Variants in TRPC4 observed in about 807,000 individuals in gnomAD.
TRPC4 encodes the protein short transient receptor potential channel 4.
In TRPC4, 49 loss-of-function variants were observed where a neutral mutation model predicts 99.4. That is an observed-to-expected ratio of 0.49 (90% CI 0.39 to 0.63). The LOEUF is 0.63. Among genes scored for constraint, TRPC4 ranks in the 20% least tolerant of loss-of-function variants. The probability of loss-of-function intolerance (pLI) is 0.00; values close to 1 mark genes in which losing one functional copy is unlikely to be tolerated. For synonymous variants in TRPC4, 454 were observed against 425.9 expected, an observed-to-expected ratio of 1.07 and a Z score of -0.81; for missense variants, 898 against 1,152.9, an observed-to-expected ratio of 0.78 and a Z score of 3.20.
At chr13:37,645,438 C>T (rs1951839029) in intron 8 of TRPC4, among the ~76,000 whole-genome samples, 1 of 152,176 alleles carries the variant, frequency 6.6e-6, no homozygotes, top group Non-Finnish European at 1.5e-5. Context: ...GAATGTCACG[C>T]TCATTTCATG....
chr13:37,787,669 C>G (rs543945343), intron 1 of TRPC4, among the ~76,000 whole-genome samples: 27 of 152,076 alleles, frequency 1.8e-4, no homozygotes, highest in Non-Finnish European at 3.5e-4. Context: ...TGTCAAAGTG[C>G]AATGAACTAC....
chr13:37,708,855 TA>T (rs1237637013), intron 3 of TRPC4, among the ~76,000 whole-genome samples: 1 of 151,938 alleles, frequency 6.6e-6, no homozygotes, highest in African/African-American at 2.4e-5. Flanking sequence ...TCCGTATACA[TA>T]AACAACATCT....
chr13:37,797,594 T>A (rs1957292242), intron 1 of TRPC4, among the ~76,000 whole-genome samples: 1 of 152,184 alleles, frequency 6.6e-6, no homozygotes, highest in Non-Finnish European at 1.5e-5. Flanking sequence ...TTCCTCAGTC[T>A]TCTCATGTCC....
intron 1 of TRPC4, among the ~76,000 whole-genome samples, chr13:37,792,420 A>G (rs1423494655): frequency 6.6e-6 from 1 of 152,182 alleles, no homozygotes; most frequent in Non-Finnish European, 1.5e-5. Context: ...TATACGATGT[A>G]AAAACAAGAA....
At chr13:37,702,152 G>A (rs1406800888) in intron 3 of TRPC4, among the ~76,000 whole-genome samples, 1 of 152,066 alleles carries the variant, frequency 6.6e-6, no homozygotes, top group South Asian at 2.1e-4. Context: ...CATTCTCCCT[G>A]TATGCCTCAT....
At chr13:37,788,816 C>G (rs1957035564) in intron 1 of TRPC4, among the ~76,000 whole-genome samples, 1 of 152,136 alleles carries the variant, frequency 6.6e-6, no homozygotes, top group Non-Finnish European at 1.5e-5. Flanking sequence ...CCCTTAAGAT[C>G]TGGACTTCTG....
intron 3 of TRPC4, among the ~76,000 whole-genome samples, chr13:37,705,591 C>A (rs1364584045): frequency 1.3e-5 from 2 of 151,890 alleles, no homozygotes; most frequent in Non-Finnish European, 2.9e-5. Context: ...AAGAAATGAA[C>A]CTCTTTTACA....
chr13:37,785,358 T>C (rs1339378747), intron 1 of TRPC4, among the ~76,000 whole-genome samples: 3 of 152,092 alleles, frequency 2.0e-5, no homozygotes, highest in African/African-American at 7.2e-5. Context: ...CTTCACAGTG[T>C]AATTTTATCA....
At chr13:37,753,575 AAGAGAG>A (rs61394712) in intron 2 of TRPC4, among the ~76,000 whole-genome samples, 5,324 of 137,272 alleles carry the variant, frequency 0.039, 252 homozygotes, top group African/African-American at 0.12. Flanking sequence ...GAGAGAGAGA[AAGAGAG>A]AGAGAGAGAG....
intron 3 of TRPC4, among the ~76,000 whole-genome samples, chr13:37,720,135 G>A (rs755711323): frequency 6.6e-6 from 1 of 151,986 alleles, no homozygotes; most frequent in African/African-American, 2.4e-5. Flanking sequence ...CTTCCAGAAG[G>A]AATGCAACCA....
At chr13:37,859,173 A>ACTGATTTATTTATTCATTTTGTATATTT (rs1959201976) in intron 1 of TRPC4, among the ~76,000 whole-genome samples, 1 of 151,626 alleles carries the variant, frequency 6.6e-6, no homozygotes, top group Non-Finnish European at 1.5e-5. Context: ...AGAGCTGTAA[A>ACTGATTTATTTATTCATTTTGTATATTT]TAAAATATAC....
chr13:37,784,450 T>G (rs762418340), intron 1 of TRPC4, among the ~76,000 whole-genome samples: 4 of 152,098 alleles, frequency 2.6e-5, no homozygotes, highest in Non-Finnish European at 5.9e-5. Context: ...GTGATAGAGA[T>G]TCATAGAAAA....
At position 37,746,419 on chromosome 13, in the gene TRPC4, A is replaced by G; in HGVS notation, c.415T>C (p.Phe139Leu). 6.2e-7 allele frequency: 1 copy of G among 1,612,636 alleles called. No individual in the cohort carries two copies. The highest frequency in any genetic ancestry group is 8.5e-7 in the Non-Finnish European group (1 of 1,179,520). ...PILLDKQFSE[F>L]TPDITPIILA... ...ATGATTGGTGTAATGTCTGGAGTGA[A>G]TTCAGAGAACTGCTTATCAAGGAGT... The change falls in exon 3 of 11, where the codon TTC becomes CTC. Residue 139 changes from phenylalanine to leucine, a missense_variant. Phe to Leu is a conservative substitution (Grantham distance 22). Transcript: ENST00000379705.
At chr13:37,666,462 A>G (rs1224467642) in intron 5 of TRPC4, among the ~76,000 whole-genome samples, 2 of 152,220 alleles carry the variant, frequency 1.3e-5, no homozygotes, top group Non-Finnish European at 2.9e-5. Flanking sequence ...TGAAGTAATT[A>G]TCTCTTGATT....
At chr13:37,800,075 C>G (rs1036768386) in intron 1 of TRPC4, among the ~76,000 whole-genome samples, 4 of 152,048 alleles carry the variant, frequency 2.6e-5, no homozygotes, top group Non-Finnish European at 5.9e-5. Flanking sequence ...CAGTGCATTT[C>G]CAGATATAAG....
At chr13:37,776,260 T>C (rs1348417375) in intron 2 of TRPC4, among the ~76,000 whole-genome samples, 1 of 151,852 alleles carries the variant, frequency 6.6e-6, no homozygotes, top group East Asian at 1.9e-4. Flanking sequence ...AATATCAAAT[T>C]TGGGGATCCT....
chr13:37,745,475 C>CGTATATATATATAT (rs1566138437), intron 3 of TRPC4, among the ~76,000 whole-genome samples: 25 of 7,844 alleles, frequency 3.2e-3, no homozygotes, highest in African/African-American at 8.0e-3. Flanking sequence ...TATATATATA[C>CGTATATATATATAT]ACACACACAC....
intron 1 of TRPC4, among the ~76,000 whole-genome samples, chr13:37,825,042 T>A (rs1022894218): frequency 3.2e-4 from 48 of 151,656 alleles, no homozygotes; most frequent in Non-Finnish European, 5.7e-4. Flanking sequence ...TCTTCTAGAT[T>A]TTCTAGTTTA....
intron 3 of TRPC4, among the ~76,000 whole-genome samples, chr13:37,709,849 A>T (rs1231686860): frequency 6.6e-6 from 1 of 151,934 alleles, no homozygotes; most frequent in Non-Finnish European, 1.5e-5. Flanking sequence ...ATTTTTGAAA[A>T]TTTTTTTAGA....
Sources: allele counts gnomAD v4.1 joint callset (sites outside exome capture counted in the v4.1 genomes callset), GRCh38; gene constraint gnomAD v4.1.1; transcripts MANE v1.5; gene names NCBI Gene and HGNC (gene_info 2026-07-23, HGNC 2026-07-21).